Variants in PIP5KL1 observed in about 807,000 individuals in gnomAD.
PIP5KL1 encodes the protein phosphatidylinositol 4-phosphate 5-kinase-like protein 1.
Under a neutral mutation model 47.6 loss-of-function variants are expected in PIP5KL1, and 45 were observed. The ratio of observed to expected loss-of-function variants is 0.94; its 90% CI spans 0.74 to 1.21. The LOEUF (loss-of-function observed/expected upper bound fraction) is 1.21. Among genes scored for constraint, PIP5KL1 ranks in the 50% most tolerant of loss-of-function variants. The probability of loss-of-function intolerance (pLI) is 0.00; values close to 1 mark genes in which losing one functional copy is unlikely to be tolerated. For synonymous variants in PIP5KL1, 256 were observed against 234.6 expected (o/e 1.09, Z -0.84); for missense variants, 577 against 547.6 (o/e 1.05, Z -0.54).
intron 2 of PIP5KL1, 119 bp from the exon 3 acceptor site, chr9:127,928,602 A>T (rs1350633128): frequency 9.0e-7 from 1 of 1,112,714 alleles, no homozygotes. Context: ...TTCCTTCAGC[A>T]AACCGGGACC....
chr9:127,930,075 C>T lies in PIP5KL1; in HGVS notation c.31-190G>A, dbSNP rs531236891. Among the ~76,000 whole-genome samples, 12 of 152,204 alleles carry T rather than the reference C, an allele frequency of 7.9e-5. No homozygotes were observed. In the South Asian group the frequency reaches 1.9e-3, roughly 24 times the overall value. On this transcript the variant is annotated intron_variant, in intron 1 of 9. Coordinates refer to ENST00000388747, the MANE Select transcript of PIP5KL1 (RefSeq NM_001135219.2). Reference sequence around the variant, plus strand: ...CAGTGCCTGGCACGCAGTCAGCACCCGAATAGAGCAATGGTTATGATTATC... The same window carrying T: ...CAGTGCCTGGCACGCAGTCAGCACCTGAATAGAGCAATGGTTATGATTATC...
Position 127,929,152 on chromosome 9 carries a change from A to G in PIP5KL1, c.228+536T>C, listed in dbSNP as rs1831404318. Among the ~76,000 whole-genome samples, 1 of 152,136 alleles carries G rather than the reference A, an allele frequency of 6.6e-6. No individual in the cohort carries two copies. The highest frequency in any genetic ancestry group is 1.5e-5 in the Non-Finnish European group (1 of 68,020). On this transcript the variant is annotated intron_variant, in intron 2 of 9. Coordinates refer to ENST00000388747, the MANE Select transcript of PIP5KL1 (RefSeq NM_001135219.2). The surrounding 1 kb of genome is among the most constrained non-coding windows in gnomAD (Gnocchi z 4.0). ...CCTCGAGTCTCTACACTTTCCCTGG[A>G]TCTCCAGGTCCCTGTGCCCGGATGT...
Position 127,928,011 on chromosome 9 carries a change from C to T in PIP5KL1, c.434+54G>A, listed in dbSNP as rs774565246. 2.8e-5 allele frequency: 42 copies of T among 1,479,390 alleles called. No individual in the cohort carries two copies. In the Middle Eastern group the frequency reaches 5.6e-4, roughly 20 times the overall value. 91.6% of individuals were successfully genotyped at this position (1,479,390 alleles called of 1,614,324 possible). A position where few individuals can be genotyped will look rare whatever the true frequency, so the allele number is the denominator to read the frequency against. On this transcript the variant is annotated intron_variant, in intron 4 of 9. Transcript: ENST00000388747. The stretch of plus-strand genomic sequence containing the variant: ...CTTCCCCGCCACTGGGAATTCTGCC[C>T]TCCCAGCCAGGGGTACCACTCCCAC...
chr9:127,925,116 C>G lies in PIP5KL1; in HGVS notation c.908G>C (p.Arg303Pro). 6.2e-7 allele frequency: 1 copy of G among 1,613,796 alleles called. No homozygotes were observed. Among genetic ancestry groups the G allele is most frequent in the Non-Finnish European group, 8.5e-7 (1 of 1,179,854 alleles). ...ERGPGSSLIFRTARSVQGAQS... is the reference protein window; with the variant it reads ...ERGPGSSLIFPTARSVQGAQS... ...CCTGTGGGAGGCTCACCTGGCCGTG[C>G]GGAAGATGAGGCTGCTGCCCGGGCC... Residue 303 changes from arginine (R) to proline (P), a missense_variant, in exon 9 of 10, where the codon CGC (arginine) becomes CCC (proline). Coordinates refer to ENST00000388747, the MANE Select transcript of PIP5KL1 (RefSeq NM_001135219.2).
In PIP5KL1 at chr9:127,927,346, G is replaced by A; in HGVS notation, c.560-15C>T. 6.2e-7 allele frequency: 1 copy of A among 1,603,198 alleles called. No individual in the cohort carries two copies. On this transcript the variant is annotated splice_polypyrimidine_tract_variant and intron_variant, in intron 5 of 9. Coordinates refer to ENST00000388747, the MANE Select transcript of PIP5KL1 (RefSeq NM_001135219.2). The surrounding 1 kb of genome is among the most constrained non-coding windows in gnomAD (Gnocchi z 5.5). The stretch of plus-strand genomic sequence containing the variant: ...ACTGTGCACTCCTGGAAGGGGAGAG[G>A]GCGCCGGATGAGGATCCCCAAACTC...
rs771919819 is a variant in PIP5KL1 at position 127,921,702 on chromosome 9, A to C, written c.*145T>G. On this transcript the variant is annotated 3_prime_UTR_variant, in exon 10 of 10. Coordinates refer to ENST00000388747, the MANE Select transcript of PIP5KL1 (RefSeq NM_001135219.2). Reference sequence around the variant, plus strand: ...GGGCACGGCACCACCGTCAAACGGGACTGCGCGGTTACGGTATTAGTTAGG... The same window carrying C: ...GGGCACGGCACCACCGTCAAACGGGCCTGCGCGGTTACGGTATTAGTTAGG... 2.6e-6 allele frequency: 3 copies of C among 1,151,704 alleles called. No homozygotes were observed. Among genetic ancestry groups the C allele is most frequent in the Non-Finnish European group, 3.6e-6 (3 of 840,814 alleles). The allele number at this position is 1,151,704 out of a possible 1,614,324, so 71.3% of individuals were successfully genotyped here. A position where few individuals can be genotyped will look rare whatever the true frequency, so the allele number is the denominator to read the frequency against.
At chr9:127,924,955 C>T (rs746150397) in intron 9 of PIP5KL1, 152 bp downstream of exon 9, 17 of 1,012,174 alleles carry the variant, frequency 1.7e-5, no homozygotes, top group Admixed American at 4.7e-5. Context: ...TATGCACACA[C>T]GCGCGCACAC....
chr9:127,924,915 C>G (rs578092740), intron 9 of PIP5KL1, among the ~76,000 whole-genome samples, 192 bp downstream of exon 9: 1 of 151,990 alleles, frequency 6.6e-6, no homozygotes, highest in Non-Finnish European at 1.5e-5. Flanking sequence ...CACACATGCA[C>G]GCACACACAC....
rs1490512279 is a variant in PIP5KL1 at position 127,930,722 on chromosome 9, C to T, written c.30+1G>A. 2 of 1,571,154 alleles carry T rather than the reference C, an allele frequency of 1.3e-6. No homozygotes were observed. Among genetic ancestry groups the T allele is most frequent in the South Asian group, 1.2e-5 (1 of 84,874 alleles). Reference sequence around the variant, plus strand: ...CTGTCCTCTCTCGGGTCCGCACCTACCTCGCGGGGCCCCGGGCTCGGCGCA... The same window carrying T: ...CTGTCCTCTCTCGGGTCCGCACCTATCTCGCGGGGCCCCGGGCTCGGCGCA... On this transcript the variant is annotated splice_donor_variant, in intron 1 of 9. Transcript: ENST00000388747. LOFTEE classifies it high-confidence loss of function.
At chr9:127,922,252 G>A in intron 9 of PIP5KL1, 138 bp from the exon 10 acceptor site, 3 of 1,126,434 alleles carry the variant, frequency 2.7e-6, no homozygotes. Flanking sequence ...TGTGAAGTCA[G>A]GTAGACTGAG....
intron 7 of PIP5KL1, 55 bp from the exon 8 acceptor site, chr9:127,926,034 T>C: frequency 1.5e-6 from 2 of 1,319,058 alleles, no homozygotes; most frequent in Non-Finnish European, 2.1e-6. Flanking sequence ...AGAGAGAATC[T>C]CACAAGAGCT....
rs1831287098 is a variant in PIP5KL1, at chr9:127,921,913, G to A, written c.1119C>T (p.Phe373=). ...WKTLRYPGRT[F]STVSPARYAR... is the part of the protein sequence containing the mutation. ...CGTAGCGAGCCGGGCTGACAGTGGA[G>A]AAGGTCCGGCCTGGGTAGCGCAGTG... Residue 373 remains phenylalanine (F), a synonymous_variant, in exon 10 of 10, where the codon TTC becomes TTT. Transcript: ENST00000388747. 6.3e-7 allele frequency: 1 copy of A among 1,578,308 alleles called. No homozygotes were observed. The highest frequency in any genetic ancestry group is 1.2e-5 in the South Asian group (1 of 86,820).
In PIP5KL1 at chr9:127,929,955, C is replaced by T; in HGVS notation, c.31-70G>A. The T allele has an allele frequency of 7.6e-7, 1 of 1,311,540 alleles. No homozygotes were observed. Among genetic ancestry groups the T allele is most frequent in the South Asian group, 1.5e-5 (1 of 66,188 alleles). The allele number at this position is 1,311,540 out of a possible 1,614,324, so 81.2% of individuals were successfully genotyped here. On this transcript the variant is annotated intron_variant, in intron 1 of 9. Transcript: ENST00000388747. This position sits in a 1 kb window ranked among gnomAD's most constrained non-coding sequence, Gnocchi z 4.0. ...AGGAAAAAGATCAGGGTTCAAGTCC[C>T]ACTTCCACTACTTGTGAGACTTCCC...
In PIP5KL1 at chr9:127,929,921, G is replaced by C; in HGVS notation, c.31-36C>G. ...GAGGCACAGGACACAGCCTGTGGCA[G>C]CGTCACAGAGGAAAAAGATCAGGGT... On this transcript the variant is annotated intron_variant, in intron 1 of 9. Transcript: ENST00000388747. This position sits in a 1 kb window ranked among gnomAD's most constrained non-coding sequence, Gnocchi z 4.0. 6 of 1,450,144 alleles carry C rather than the reference G, an allele frequency of 4.1e-6. No homozygotes were observed. The highest frequency in any genetic ancestry group is 4.6e-6 in the Non-Finnish European group (5 of 1,092,592). The allele number at this position is 1,450,144 out of a possible 1,614,324, so 89.8% of individuals were successfully genotyped here. A position where few individuals can be genotyped will look rare whatever the true frequency, so the allele number is the denominator to read the frequency against.
chr9:127,926,874 C>G (rs191191590), intron 7 of PIP5KL1, among the ~76,000 whole-genome samples: 4 of 152,314 alleles, frequency 2.6e-5, no homozygotes, highest in South Asian at 2.1e-4. Flanking sequence ...GTGTGGCCTT[C>G]TCCTTCCTCG....
chr9:127,922,141 GCCAGCTCCTCCAGGAAGCC>G (rs879674184), intron 9 of PIP5KL1, 27 bp from the exon 10 acceptor site: 28 of 1,459,224 alleles, frequency 1.9e-5, no homozygotes, highest in African/African-American at 4.2e-5. Flanking sequence ...GGGTGAAGCT[GCCAGCTCCTCCAGGAAGCC>G]CCAGCCAGTC....
At chr9:127,925,664 G>C in intron 8 of PIP5KL1, 1 of 566,710 alleles carries the variant, frequency 1.8e-6, no homozygotes, top group Non-Finnish European at 3.2e-6. Context: ...CAGAGTTTCA[G>C]CATCTTGGCC....
At position 127,927,090 on chromosome 9, in the gene PIP5KL1, G is replaced by C; in HGVS notation, c.650+63C>G. 6.6e-7 allele frequency: 1 copy of C among 1,503,858 alleles called. No individual in the cohort carries two copies. Among genetic ancestry groups the C allele is most frequent in the Non-Finnish European group, 9.1e-7 (1 of 1,104,472 alleles). 93.2% of individuals were successfully genotyped at this position (1,503,858 alleles called of 1,614,324 possible). On this transcript the variant is annotated intron_variant, in intron 7 of 9. Transcript: ENST00000388747. The surrounding 1 kb of genome is among the most constrained non-coding windows in gnomAD (Gnocchi z 5.5). Reference sequence around the variant, plus strand: ...CGGTTTCACCGTCTGGCTAGTGAGTGTGGGTGCTTCGGGCCGCGAGTTTCG... The same window carrying C: ...CGGTTTCACCGTCTGGCTAGTGAGTCTGGGTGCTTCGGGCCGCGAGTTTCG...
At chr9:127,926,842 C>T (rs1831368914) in intron 7 of PIP5KL1, among the ~76,000 whole-genome samples, 1 of 152,218 alleles carries the variant, frequency 6.6e-6, no homozygotes, top group Non-Finnish European at 1.5e-5. Flanking sequence ...GGGTCTGAGT[C>T]CCTGCTCCCC....
Sources: allele counts gnomAD v4.1 joint callset (sites outside exome capture counted in the v4.1 genomes callset), GRCh38; gene constraint gnomAD v4.1.1; non-coding constraint Gnocchi (gnomAD v3.1); transcripts MANE v1.5; gene names NCBI Gene and HGNC (gene_info 2026-07-23, HGNC 2026-07-21).